SMC5: variants seen among roughly 807,000 people sequenced by gnomAD.
The protein encoded by SMC5 is structural maintenance of chromosomes 5, also known as structural maintenance of chromosomes protein 5.
Under a neutral mutation model 148.3 loss-of-function variants are expected in SMC5, and 88 were observed. That is an observed-to-expected ratio of 0.59 (90% CI 0.50 to 0.71). SMC5 has a LOEUF of 0.71. SMC5 is among the 30% of genes least tolerant of loss of function. The probability of loss-of-function intolerance (pLI) is 0.00; values close to 1 mark genes in which losing one functional copy is unlikely to be tolerated. For missense variants in SMC5, 1,142 were observed against 1,298.9 expected (o/e 0.88, Z 1.86); for synonymous variants, 421 against 432.8 (o/e 0.97, Z 0.34).
At chr9:70,313,597 A>C (rs558175212) in intron 11 of SMC5, among the ~76,000 whole-genome samples, 1 of 152,190 alleles carries the variant, frequency 6.6e-6, no homozygotes, top group South Asian at 2.1e-4. Flanking sequence ...TCCTGAGTTC[A>C]AGCAATTCTC....
chr9:70,259,991 A>T (rs1587606215), intron 1 of SMC5, among the ~76,000 whole-genome samples: 1 of 136,402 alleles, frequency 7.3e-6, no homozygotes. Flanking sequence ...CCCACGCTGG[A>T]TGGAGTGCTG....
At chr9:70,304,627 C>T (rs1278364650) in intron 10 of SMC5, among the ~76,000 whole-genome samples, 1 of 152,126 alleles carries the variant, frequency 6.6e-6, no homozygotes, top group Non-Finnish European at 1.5e-5. Context: ...GCAGAGGTTG[C>T]AGTGAGCTGA....
intron 11 of SMC5, among the ~76,000 whole-genome samples, chr9:70,306,612 A>G (rs1564048006): frequency 6.6e-6 from 1 of 152,238 alleles, no homozygotes; most frequent in Non-Finnish European, 1.5e-5. Flanking sequence ...ATGCAGTCAG[A>G]TGTAATTAAA....
intron 7 of SMC5, among the ~76,000 whole-genome samples, chr9:70,283,317 T>G (rs180699773): frequency 1.3e-5 from 2 of 151,982 alleles, no homozygotes; most frequent in African/African-American, 4.8e-5. Flanking sequence ...CACAAAAAAC[T>G]TAGCCAGGCA....
chr9:70,259,233 C>G lies in SMC5; in HGVS notation c.155C>G (p.Ser52Cys), dbSNP rs1051471288. 1.9e-6 allele frequency: 3 copies of G among 1,598,876 alleles called. No individual in the cohort carries two copies. Among genetic ancestry groups the G allele is most frequent in the Admixed American group, 3.5e-5 (2 of 57,886 alleles). The change falls in exon 1 of 25, where the codon TCT becomes TGT. Residue 52 changes from serine to cysteine, a missense_variant. Coordinates refer to ENST00000361138, the MANE Select transcript of SMC5 (RefSeq NM_015110.4). ...LQSSGPFVEGSIVRISMENFL... is the reference protein window; with the variant it reads ...LQSSGPFVEGCIVRISMENFL... ...TCGTCCGGGCCTTTCGTGGAAGGCTCTATCGTCCGCATCTCGATGGAGAAC... is the reference window on the plus strand; with the variant it reads ...TCGTCCGGGCCTTTCGTGGAAGGCTGTATCGTCCGCATCTCGATGGAGAAC...
At chr9:70,321,375 A>G (rs958481535) in intron 15 of SMC5, among the ~76,000 whole-genome samples, 108 of 151,344 alleles carry the variant, frequency 7.1e-4, no homozygotes, top group Non-Finnish European at 1.2e-4. Flanking sequence ...CAAAATGTAA[A>G]TATAATATTG....
chr9:70,336,147 G>A (rs2036350806), intron 17 of SMC5, among the ~76,000 whole-genome samples: 1 of 152,176 alleles, frequency 6.6e-6, no homozygotes, highest in Non-Finnish European at 1.5e-5. Flanking sequence ...TTACATAAAT[G>A]TGAGCTATAT....
At chr9:70,268,089 A>T in intron 3 of SMC5, 114 bp downstream of exon 3, 1 of 741,876 alleles carries the variant, frequency 1.3e-6, no homozygotes, top group Non-Finnish European at 2.1e-6. Context: ...TAAATATTGG[A>T]AATAATATTT....
At chr9:70,345,483 G>T (rs2036643728) in intron 18 of SMC5, among the ~76,000 whole-genome samples, 1 of 151,968 alleles carries the variant, frequency 6.6e-6, no homozygotes, top group African/African-American at 2.4e-5. Flanking sequence ...CCTTTGAAAA[G>T]ATACCATTTT....
chr9:70,268,711 C>G (rs1264067418), intron 3 of SMC5, among the ~76,000 whole-genome samples: 1 of 151,266 alleles, frequency 6.6e-6, no homozygotes, highest in Non-Finnish European at 1.5e-5. Context: ...TGCCATCATT[C>G]CTAATTCTAT....
rs376696894 is a variant in SMC5, at chr9:70,280,819, A to G, written c.739A>G (p.Lys247Glu). Residue 247 changes from lysine (K) to glutamate (E), a missense_variant, in exon 6 of 25, where the codon AAA becomes GAA. Physicochemically the swap from Lys to Glu is moderately conservative, Grantham distance 56. Transcript: ENST00000361138. ...QKMVQRNERYKQDVERFYERK... is the reference protein window; with the variant it reads ...QKMVQRNERYEQDVERFYERK... ...AATGGTTCAGAGGAATGAAAGATAT[A>G]AACAAGATGTGGAGAGGTTCTATGA... 3.1e-6 allele frequency: 5 copies of G among 1,613,806 alleles called. No homozygotes were observed. The African/African-American group carries it at 5.3e-5, about 17-fold the overall frequency.
In SMC5 at chr9:70,323,782, G is replaced by A. The variant is rs190905959; in HGVS notation, c.2274+176G>A. On this transcript the variant is annotated intron_variant, in intron 16 of 24. Coordinates refer to ENST00000361138, the MANE Select transcript of SMC5 (RefSeq NM_015110.4). ...TTAGTTGCTTGACATTTTCTTTAGA[G>A]GTAATAAATAGGATAAAAGCACTCA... is the stretch of plus-strand genomic sequence containing the variant. Among the ~76,000 whole-genome samples, 3 of 152,148 alleles carry A rather than the reference G, an allele frequency of 2.0e-5. No individual in the cohort carries two copies. The East Asian group carries it at 5.8e-4, about 29-fold the overall frequency.
chr9:70,265,766 G>A (rs1054437618), intron 2 of SMC5, among the ~76,000 whole-genome samples: 1 of 152,156 alleles, frequency 6.6e-6, no homozygotes, highest in Non-Finnish European at 1.5e-5. Flanking sequence ...GTATTTTATA[G>A]ATAATAGTGG....
At chr9:70,319,645 A>G (rs1283209761) in intron 15 of SMC5, among the ~76,000 whole-genome samples, 3 of 152,354 alleles carry the variant, frequency 2.0e-5, no homozygotes, top group South Asian at 4.1e-4. Context: ...GTAGTTTATT[A>G]AAGTTTAATT....
At chr9:70,274,219 T>C (rs1437712067) in intron 3 of SMC5, among the ~76,000 whole-genome samples, 1 of 152,180 alleles carries the variant, frequency 6.6e-6, no homozygotes, top group African/African-American at 2.4e-5. Context: ...GTAGCTGGGA[T>C]TACAGGCGCC....
intron 17 of SMC5, among the ~76,000 whole-genome samples, chr9:70,329,058 C>T (rs371272810): frequency 6.6e-6 from 1 of 152,188 alleles, no homozygotes; most frequent in Non-Finnish European, 1.5e-5. Flanking sequence ...CTGCACAGAG[C>T]GGCAGGGCCC....
intron 9 of SMC5, among the ~76,000 whole-genome samples, chr9:70,299,666 CT>C (rs1202554010): frequency 6.7e-6 from 1 of 150,240 alleles, no homozygotes; most frequent in African/African-American, 2.4e-5. Context: ...ATCCCCCCCC[CT>C]TTTTTAGTTT....
At position 70,349,346 on chromosome 9, in the gene SMC5, C is replaced by T. The variant is rs149454119; in HGVS notation, c.2890-768C>T. 4.1e-4 allele frequency among the ~76,000 whole-genome samples: 62 copies of T among 152,282 alleles called. 1 individual carries two copies. Among genetic ancestry groups the T allele is most frequent in the African/African-American group, 1.4e-3 (58 of 41,568 alleles). On this transcript the variant is annotated intron_variant, in intron 22 of 24. Transcript: ENST00000361138. The stretch of plus-strand genomic sequence containing the variant: ...CCTCCCAAATTGCTGGGATTACAGG[C>T]ATGAGCCACCACACCCGGCCTAATT...
At chr9:70,310,385 G>A (rs865849303) in intron 11 of SMC5, among the ~76,000 whole-genome samples, 2 of 149,578 alleles carry the variant, frequency 1.3e-5, no homozygotes, top group South Asian at 4.8e-4. Flanking sequence ...CATTGTCAGT[G>A]AGCAGTAATA....
Sources: gnomAD v4.1 joint callset for allele counts (sites outside exome capture counted in the v4.1 genomes callset) on GRCh38, gnomAD v4.1.1 for gene constraint, MANE v1.5 for transcripts, NCBI Gene and HGNC (gene_info 2026-07-23, HGNC 2026-07-21) for gene names.